The following DDB1 variants were observed in gnomAD, a reference collection of about 807,000 sequenced individuals.
DDB1 encodes the protein damage specific DNA binding protein 1.
DDB1 carries 18 observed loss-of-function variants against 133.1 expected under a neutral mutation model. That is an observed-to-expected ratio of 0.14 (90% CI 0.09 to 0.20). The LOEUF is 0.20. DDB1 is among the 10% of genes least tolerant of loss of function. DDB1 has a pLI of 1.00. For synonymous variants in DDB1, 580 were observed against 550.5 expected (o/e 1.05, Z -0.75); for missense variants, 828 against 1,459.2 (o/e 0.57, Z 7.05).
At chr11:61,315,721 T>G (rs1250144915) in intron 12 of DDB1, 1 of 152,438 alleles carries the variant, frequency 6.6e-6, no homozygotes, top group Non-Finnish European at 1.5e-5. Flanking sequence ...GGTGGAAGGG[T>G]GTCAGAAATG....
chr11:61,333,064 C>G lies in DDB1; in HGVS notation c.-96G>C. ...GTGGCCCCCAACAGCGCGCAGCGAA[C>G]TCCACTGCCGCTGCCTCCGCCCCAG... On this transcript the variant is annotated 5_prime_UTR_variant, in exon 1 of 27. Coordinates refer to ENST00000301764, the MANE Select transcript of DDB1 (RefSeq NM_001923.5). 8.4e-7 allele frequency: 1 copy of G among 1,186,174 alleles called. No individual in the cohort carries two copies. Among genetic ancestry groups the G allele is most frequent in the Non-Finnish European group, 1.1e-6 (1 of 877,836 alleles). The allele number at this position is 1,186,174 out of a possible 1,614,324, so 73.5% of individuals were successfully genotyped here.
chr11:61,305,969 C>T (rs1394593772), intron 21 of DDB1, among the ~76,000 whole-genome samples: 1 of 152,192 alleles, frequency 6.6e-6, no homozygotes, highest in Non-Finnish European at 1.5e-5. Context: ...TGTGGAAATG[C>T]TAATATTTTA....
At chr11:61,310,016 C>T (rs1855937276) in intron 19 of DDB1, 56 bp from the exon 20 acceptor site, 9 of 1,608,560 alleles carry the variant, frequency 5.6e-6, no homozygotes, top group South Asian at 4.4e-5. Flanking sequence ...TGCACGCACA[C>T]ATAACCCCGT....
In DDB1 at chr11:61,310,318, A is replaced by G. The variant is rs773293195; in HGVS notation, c.2378T>C (p.Ile793Thr). Reference protein sequence around the residue: ...GEEVEVHNLLIIDQHTFEVLH... With the variant: ...GEEVEVHNLLTIDQHTFEVLH... ...ACCTTCAAAGGTGTGTTGGTCAATG[A>G]TAAGTAGGTTGTGCACCTCCACCTC... The change falls in exon 19 of 27, where the codon ATC becomes ACC. Residue 793 changes from isoleucine to threonine, a missense_variant. Physicochemically the swap from Ile to Thr is moderately conservative, Grantham distance 89. This residue lies in a region of DDB1 where 396 missense variants were observed against 554.1 expected (regional missense o/e 0.71). Transcript: ENST00000301764. 5.6e-6 allele frequency: 9 copies of G among 1,611,760 alleles called. No individual in the cohort carries two copies. Among genetic ancestry groups the G allele is most frequent in the Admixed American group, 3.3e-5 (2 of 59,784 alleles).
Position 61,300,078 on chromosome 11 carries a change from G to T in DDB1, c.*58C>A. 2.6e-6 allele frequency: 4 copies of T among 1,557,704 alleles called. No individual in the cohort carries two copies. Among genetic ancestry groups the T allele is most frequent in the Non-Finnish European group, 2.7e-6 (3 of 1,130,160 alleles). ...AAGAAGACGATGGTGGAGAGGAGGG[G>T]GAGGGCAGCAGGGCAAAGCCTTTGG... is the stretch of plus-strand genomic sequence containing the variant. On this transcript the variant is annotated 3_prime_UTR_variant, in exon 27 of 27. Coordinates refer to ENST00000301764, the MANE Select transcript of DDB1 (RefSeq NM_001923.5).
At chr11:61,303,367 T>A (rs546405774) in intron 22 of DDB1, 90 of 507,472 alleles carry the variant, frequency 1.8e-4, no homozygotes, top group Middle Eastern at 3.7e-4. Context: ...TGGAGCCTAG[T>A]CAGAGTTTGA....
intron 21 of DDB1, among the ~76,000 whole-genome samples, chr11:61,308,715 T>TC (rs1284154166): frequency 6.6e-6 from 1 of 152,190 alleles, no homozygotes; most frequent in Non-Finnish European, 1.5e-5. Flanking sequence ...GCATGGAACA[T>TC]CCTACGTGCA....
At chr11:61,327,266 T>C (rs984989562) in intron 4 of DDB1, among the ~76,000 whole-genome samples, 2 of 152,100 alleles carry the variant, frequency 1.3e-5, no homozygotes, top group African/African-American at 2.4e-5. Context: ...GGTCAGGAAT[T>C]CAAGACCAGC....
At position 61,329,465 on chromosome 11, in the gene DDB1, A is replaced by G. The variant is rs757508259; in HGVS notation, c.447T>C (p.Asn149=). ...LFKVIPLDRD[N]KELKAFNIRL... ...GGATGTTGAAGGCCTTGAGTTCTTTATTATCGCGATCTAGTGGAATAACCT... is the reference window on the plus strand; with the variant it reads ...GGATGTTGAAGGCCTTGAGTTCTTTGTTATCGCGATCTAGTGGAATAACCT... Residue 149 remains asparagine (N), a synonymous_variant, in exon 4 of 27, where the codon AAT becomes AAC. Coordinates refer to ENST00000301764, the MANE Select transcript of DDB1 (RefSeq NM_001923.5). 6.2e-6 allele frequency: 10 copies of G among 1,614,046 alleles called. No homozygotes were observed. The Admixed American group carries it at 1.0e-4, about 16-fold the overall frequency.
At chr11:61,316,747 C>A (rs995852074) in intron 10 of DDB1, among the ~76,000 whole-genome samples, 180 bp from the exon 11 acceptor site, 1 of 150,958 alleles carries the variant, frequency 6.6e-6, no homozygotes, top group African/African-American at 2.4e-5. Flanking sequence ...AATGGAGAGA[C>A]CTTGTCCCTG....
At position 61,329,581 on chromosome 11, in the gene DDB1, G is replaced by A. The variant is rs1425354369; in HGVS notation, c.331C>T (p.Arg111Cys). ...CCGGTCTCTGAGGGGCGGCCAATGC[G>A]GTCCTGAGAAACAAAATCGGGATTA... Reference protein sequence around the residue: ...ITRAHGNVQDRIGRPSETGII... With the variant: ...ITRAHGNVQDCIGRPSETGII... The change falls in exon 4 of 27, where the codon CGC becomes TGC. Residue 111 changes from arginine (R) to cysteine (C), a missense_variant. Arg to Cys is a radical substitution (Grantham distance 180). This residue lies in a region of DDB1 where 210 missense variants were observed against 344.8 expected (regional missense o/e 0.61). Coordinates refer to ENST00000301764, the MANE Select transcript of DDB1 (RefSeq NM_001923.5). The A allele has an allele frequency of 1.9e-6, 3 of 1,608,116 alleles. No homozygotes were observed.
intron 10 of DDB1, among the ~76,000 whole-genome samples, chr11:61,317,765 A>G (rs1856116155): frequency 6.6e-6 from 1 of 152,246 alleles, no homozygotes; most frequent in Non-Finnish European, 1.5e-5. Context: ...TCGGTCTCCC[A>G]AAGTACTGGG....
At chr11:61,329,642 C>T (rs762594811) in intron 3 of DDB1, 58 bp from the exon 4 acceptor site, 67 of 1,497,586 alleles carry the variant, frequency 4.5e-5, no homozygotes, top group Non-Finnish European at 5.7e-5. Context: ...CAACAGAGGA[C>T]GCTGGGCACC....
chr11:61,307,355 G>C (rs894152333), intron 21 of DDB1, among the ~76,000 whole-genome samples: 9 of 152,236 alleles, frequency 5.9e-5, no homozygotes, highest in African/African-American at 1.9e-4. Context: ...CTCTGATCAA[G>C]TTTACCACTG....
intron 25 of DDB1, 70 bp from the exon 26 acceptor site, chr11:61,301,002 A>G: frequency 6.3e-7 from 1 of 1,596,148 alleles, no homozygotes; most frequent in South Asian, 1.1e-5. Flanking sequence ...ACCTTTGAAT[A>G]AGACCACAAT....
At chr11:61,315,924 T>A (rs1856055297) in intron 12 of DDB1, 1 of 170,710 alleles carries the variant, frequency 5.9e-6, no homozygotes, top group African/African-American at 2.4e-5. Context: ...ATTTTATAAA[T>A]AAGGATGTAT....
At position 61,313,659 on chromosome 11, in the gene DDB1, C is replaced by T; in HGVS notation, c.1909G>A (p.Val637Ile). 6.2e-7 allele frequency: 1 copy of T among 1,613,946 alleles called. No individual in the cohort carries two copies. The highest frequency in any genetic ancestry group is 8.5e-7 in the Non-Finnish European group (1 of 1,179,930). Residue 637 changes from valine to isoleucine, a missense_variant, in exon 16 of 27, where the codon GTA becomes ATA. Val to Ile is a conservative substitution (Grantham distance 29). Coordinates refer to ENST00000301764, the MANE Select transcript of DDB1 (RefSeq NM_001923.5). ...GAAAGAGAACGAAAAGTCCTCAATA[C>T]GGTGGGCTGGGTGCCCAAAGTCACC... is the stretch of plus-strand genomic sequence containing the variant. ...KKVTLGTQPTVLRTFRSLSTT... is the reference protein window; with the variant it reads ...KKVTLGTQPTILRTFRSLSTT...
chr11:61,320,968 C>G (rs1430150365), intron 10 of DDB1, among the ~76,000 whole-genome samples: 1 of 151,900 alleles, frequency 6.6e-6, no homozygotes, highest in Admixed American at 6.6e-5. Context: ...TCTACAGCCT[C>G]AACCTCCTGG....
At chr11:61,314,589 C>T (rs71534290) in intron 12 of DDB1, 103 bp from the exon 13 acceptor site, 1 of 1,128,354 alleles carries the variant, frequency 8.9e-7, no homozygotes, top group Non-Finnish European at 1.2e-6. Flanking sequence ...TACGAATAAG[C>T]TACATGAGGC....
Sources: allele counts gnomAD v4.1 joint callset (sites outside exome capture counted in the v4.1 genomes callset), GRCh38; gene constraint gnomAD v4.1.1; regional missense constraint gnomAD v4.1.1; transcripts MANE v1.5; gene names NCBI Gene and HGNC (gene_info 2026-07-23, HGNC 2026-07-21).